The following KRT8 variants were observed in gnomAD, a reference collection of about 807,000 sequenced individuals.
KRT8 encodes the protein keratin 8, also known as keratin, type II cytoskeletal 8.
Under a neutral mutation model 43.0 loss-of-function variants are expected in KRT8, and 24 were observed. The ratio of observed to expected loss-of-function variants is 0.56; its 90% CI spans 0.40 to 0.78. KRT8 has a LOEUF of 0.78. KRT8 is among the 30% of genes least tolerant of loss of function. The pLI, the probability that KRT8 is intolerant of heterozygous loss-of-function variation, is 0.00. For missense variants in KRT8, 492 were observed against 638.4 expected, an observed-to-expected ratio of 0.77 and a Z score of 2.47; for synonymous variants, 214 against 261.2, an observed-to-expected ratio of 0.82 and a Z score of 1.74.
At chr12:52,921,680 G>C (rs1941889070) in intron 2 of KRT8, among the ~76,000 whole-genome samples, 1 of 151,984 alleles carries the variant, frequency 6.6e-6, no homozygotes, top group Admixed American at 6.6e-5. Context: ...TCTCCCTCCA[G>C]CCCTCCAGCC....
In KRT8 at chr12:52,898,867, G is replaced by A. The variant is rs112222496; in HGVS notation, c.1014C>T (p.Ala338=). 2.5e-4 allele frequency: 407 copies of A among 1,613,328 alleles called. 1 individual carries two copies. In the African/African-American group the frequency reaches 4.7e-3, roughly 18 times the overall value. Residue 338 remains alanine (A), a synonymous_variant, in exon 6 of 8, where the codon GCC becomes GCT. Transcript: ENST00000692008. Reference sequence around the variant, plus strand: ...TAATGGCCAGCTCTCCACGCTGCTCGGCATCTGCAATGGCGGCCTCCAGGG... The same window carrying A: ...TAATGGCCAGCTCTCCACGCTGCTCAGCATCTGCAATGGCGGCCTCCAGGG...
intron 2 of KRT8, among the ~76,000 whole-genome samples, chr12:52,919,169 C>T (rs939442034): frequency 2.6e-5 from 4 of 152,168 alleles, no homozygotes; most frequent in African/African-American, 9.7e-5. Context: ...ACTTGCTTTC[C>T]CCAACTCTCA....
chr12:52,907,896 G>A (rs1314877237), upstream of KRT8, among the ~76,000 whole-genome samples: 1 of 152,208 alleles, frequency 6.6e-6, no homozygotes, highest in East Asian at 1.9e-4. Flanking sequence ...AACCAGACTG[G>A]AGCAGGCCCA....
intron 2 of KRT8, among the ~76,000 whole-genome samples, chr12:52,945,922 G>A (rs550287766): frequency 2.6e-4 from 39 of 151,976 alleles, no homozygotes; most frequent in Non-Finnish European, 4.3e-4. Context: ...TCTGGAGGCC[G>A]AGACCTTCAC....
upstream of KRT8, among the ~76,000 whole-genome samples, chr12:52,910,443 C>G (rs951307437): frequency 1.3e-5 from 2 of 152,208 alleles, no homozygotes; most frequent in African/African-American, 2.4e-5. Flanking sequence ...GGGTGATATA[C>G]TCTGTCCCTC....
chr12:52,909,015 AAAAT>A (rs149626450), upstream of KRT8, among the ~76,000 whole-genome samples: 4,327 of 152,258 alleles, frequency 0.028, 200 homozygotes, highest in African/African-American at 0.099. Flanking sequence ...CTCTGTCTCA[AAAAT>A]AAATAAATAA....
chr12:52,924,746 T>C (rs1427441194), intron 2 of KRT8, among the ~76,000 whole-genome samples: 1 of 152,210 alleles, frequency 6.6e-6, no homozygotes, highest in Non-Finnish European at 1.5e-5. Context: ...TGCACTCTTC[T>C]CTAAGAATTC....
upstream of KRT8, among the ~76,000 whole-genome samples, chr12:52,910,614 G>A (rs1565722226): frequency 6.6e-6 from 1 of 152,206 alleles, no homozygotes; most frequent in South Asian, 2.1e-4. Flanking sequence ...GACAGGAAGT[G>A]GAAGTTATTG....
At chr12:52,905,081 T>G, upstream of KRT8, 1 of 1,488,306 alleles carries the variant, frequency 6.7e-7, no homozygotes, top group South Asian at 1.3e-5. Context: ...AGGAATGGCC[T>G]TTTATAAAAG....
At chr12:52,948,135 G>C (rs1198025445) in intron 2 of KRT8, 1 of 152,252 alleles carries the variant, frequency 6.6e-6, no homozygotes, top group Non-Finnish European at 1.5e-5. Flanking sequence ...TCAGAGACTG[G>C]GTTTGTTTTG....
rs1941271449 is a variant in KRT8, at chr12:52,898,445, G to A, written c.1261+16C>T. The A allele has an allele frequency of 1.2e-6, 2 of 1,611,496 alleles. No individual in the cohort carries two copies. Among genetic ancestry groups the A allele is most frequent in the Non-Finnish European group, 1.7e-6 (2 of 1,178,910 alleles). On this transcript the variant is annotated intron_variant, in intron 7 of 7. Transcript: ENST00000692008. ...CCCTGCCTCCCGCCCTCATCCCAGGGCCCTGGGACACCCACCTGCATAGCC... is the reference window on the plus strand; with the variant it reads ...CCCTGCCTCCCGCCCTCATCCCAGGACCCTGGGACACCCACCTGCATAGCC...
intron 2 of KRT8, among the ~76,000 whole-genome samples, chr12:52,941,962 C>T (rs924125973): frequency 6.6e-6 from 1 of 152,100 alleles, no homozygotes; most frequent in Non-Finnish European, 1.5e-5. Context: ...CCTTACAAAG[C>T]GTTAATGAAT....
At chr12:52,922,915 G>A (rs1427532506) in intron 2 of KRT8, among the ~76,000 whole-genome samples, 11 of 152,162 alleles carry the variant, frequency 7.2e-5, no homozygotes, top group Non-Finnish European at 1.6e-4. Flanking sequence ...CAGCCAGCAT[G>A]AGAGCTTGAA....
At chr12:52,937,182 G>A (rs1942181973) in intron 2 of KRT8, among the ~76,000 whole-genome samples, 2 of 151,688 alleles carry the variant, frequency 1.3e-5, no homozygotes, top group African/African-American at 4.8e-5. Context: ...ACCAACCTGG[G>A]CAACACCGTG....
chr12:52,944,990 G>A (rs147676249), intron 2 of KRT8, among the ~76,000 whole-genome samples: 1 of 152,294 alleles, frequency 6.6e-6, no homozygotes, highest in African/African-American at 2.4e-5. Context: ...TCTCTCTGCA[G>A]TCTACCTGAC....
At chr12:52,940,536 G>C (rs1430443120) in intron 2 of KRT8, among the ~76,000 whole-genome samples, 3 of 151,658 alleles carry the variant, frequency 2.0e-5, no homozygotes, top group African/African-American at 7.3e-5. Flanking sequence ...TATGAGGACA[G>C]AGAACAGATC....
At chr12:52,917,463 T>C (rs531561454) in intron 2 of KRT8, among the ~76,000 whole-genome samples, 24 of 151,072 alleles carry the variant, frequency 1.6e-4, no homozygotes, top group African/African-American at 5.6e-4. Context: ...ATCCCAGCAC[T>C]CTGGGAGGCC....
chr12:52,943,120 T>A (rs1375502289), intron 2 of KRT8, among the ~76,000 whole-genome samples: 1 of 152,144 alleles, frequency 6.6e-6, no homozygotes, highest in Non-Finnish European at 1.5e-5. Context: ...ACTGATCAGC[T>A]TTACTAAACT....
intron 6 of KRT8, 36 bp from the exon 7 acceptor site, chr12:52,898,555 C>T (rs779533937): frequency 1.8e-5 from 29 of 1,613,246 alleles, no homozygotes; most frequent in Non-Finnish European, 2.0e-5. Flanking sequence ...GGACCAACTC[C>T]TAGCCCTTCT....
Sources: allele counts gnomAD v4.1 joint callset (sites outside exome capture counted in the v4.1 genomes callset), GRCh38; gene constraint gnomAD v4.1.1; transcripts MANE v1.5; gene names NCBI Gene and HGNC (gene_info 2026-07-23, HGNC 2026-07-21).